Variants in PLEKHA2 observed in about 807,000 individuals in gnomAD.
The protein encoded by PLEKHA2 is pleckstrin homology domain-containing family A member 2.
PLEKHA2 carries 28 observed loss-of-function variants against 53.2 expected under a neutral mutation model. That is an observed-to-expected ratio of 0.53 (90% CI 0.39 to 0.72). The LOEUF (loss-of-function observed/expected upper bound fraction) is 0.72, where lower values mean the gene tolerates loss of function less well. PLEKHA2 is among the 30% of genes least tolerant of loss of function. PLEKHA2 has a pLI of 0.00. For missense variants in PLEKHA2, 426 were observed against 537.9 expected (o/e 0.79, Z 2.06); for synonymous variants, 193 against 196.4 (o/e 0.98, Z 0.14).
At chr8:38,928,236 C>CTTTTTTTTTTTTTTTT (rs11414317) in intron 2 of PLEKHA2, among the ~76,000 whole-genome samples, 1 of 110,130 alleles carries the variant, frequency 9.1e-6, no homozygotes. Flanking sequence ...CTGACCTGGT[C>CTTTTTTTTTTTTTTTT]TTTTTTTTTT....
At chr8:38,926,418 C>A (rs191818275) in intron 2 of PLEKHA2, among the ~76,000 whole-genome samples, 1 of 148,432 alleles carries the variant, frequency 6.7e-6, no homozygotes, top group East Asian at 2.0e-4. Context: ...GTTCTTACTC[C>A]GTCTCCGAGA....
At chr8:38,943,686 C>A in intron 3 of PLEKHA2, 103 bp from the exon 4 acceptor site, 2 of 815,504 alleles carry the variant, frequency 2.5e-6, no homozygotes, top group Non-Finnish European at 3.7e-6. Context: ...AAAATGTAGA[C>A]ATATGTTTAA....
intron 10 of PLEKHA2, among the ~76,000 whole-genome samples, chr8:38,963,970 T>A (rs987596468): frequency 6.6e-6 from 1 of 152,204 alleles, no homozygotes; most frequent in Non-Finnish European, 1.5e-5. Context: ...TTATTTTACC[T>A]ATCATATTAG....
chr8:38,950,570 C>T (rs750847179), intron 5 of PLEKHA2: 10 of 309,190 alleles, frequency 3.2e-5, no homozygotes, highest in African/African-American at 6.4e-5. Flanking sequence ...ACGTGTGTTT[C>T]GCTTGACACT....
At chr8:38,964,547 A>T (rs569608722) in intron 10 of PLEKHA2, among the ~76,000 whole-genome samples, 10 of 152,124 alleles carry the variant, frequency 6.6e-5, no homozygotes, top group Non-Finnish European at 1.0e-4. Context: ...TTCCAAGTTC[A>T]TGGAAAAATT....
At chr8:38,921,581 C>T (rs1354302915) in intron 2 of PLEKHA2, among the ~76,000 whole-genome samples, 1 of 152,232 alleles carries the variant, frequency 6.6e-6, no homozygotes, top group Non-Finnish European at 1.5e-5. Flanking sequence ...CGCTGTGCCT[C>T]GGGCTGCCTT....
chr8:38,919,725 T>G (rs887775336), intron 2 of PLEKHA2, among the ~76,000 whole-genome samples: 1 of 152,200 alleles, frequency 6.6e-6, no homozygotes, highest in Non-Finnish European at 1.5e-5. Flanking sequence ...ACTCAGAAAG[T>G]CAGCTGCTGC....
intron 1 of PLEKHA2, among the ~76,000 whole-genome samples, chr8:38,911,346 C>T (rs570401453): frequency 6.6e-6 from 1 of 152,114 alleles, no homozygotes; most frequent in South Asian, 2.1e-4. Flanking sequence ...AAGCAATTCT[C>T]CTGTCTTAGT....
intron 9 of PLEKHA2, among the ~76,000 whole-genome samples, chr8:38,956,382 C>G (rs564176750): frequency 6.6e-6 from 1 of 152,290 alleles, no homozygotes; most frequent in South Asian, 2.1e-4. Flanking sequence ...TCCTGGGCCC[C>G]GCACAGTGAG....
chr8:38,908,914 G>A (rs1833916812), intron 1 of PLEKHA2, among the ~76,000 whole-genome samples: 1 of 152,202 alleles, frequency 6.6e-6, no homozygotes, highest in South Asian at 2.1e-4. Flanking sequence ...GGAGTCCAAG[G>A]TGGGTGGATC....
At chr8:38,949,422 A>G (rs1834783955) in intron 5 of PLEKHA2, among the ~76,000 whole-genome samples, 1 of 152,226 alleles carries the variant, frequency 6.6e-6, no homozygotes, top group Admixed American at 6.5e-5. Context: ...TCTATCTAAA[A>G]GGGAACTGCT....
chr8:38,931,585 G>A (rs926262664), intron 2 of PLEKHA2, among the ~76,000 whole-genome samples: 4 of 152,188 alleles, frequency 2.6e-5, no homozygotes, highest in Non-Finnish European at 5.9e-5. Context: ...GAGATGTCAC[G>A]AGAAAACGTT....
intron 2 of PLEKHA2, among the ~76,000 whole-genome samples, chr8:38,921,332 T>G (rs1171953410): frequency 1.3e-5 from 2 of 152,236 alleles, no homozygotes; most frequent in Non-Finnish European, 2.9e-5. Context: ...GCTTCCCCAC[T>G]AGGGCTGTGC....
At chr8:38,947,991 C>T (rs1834747064) in intron 5 of PLEKHA2, among the ~76,000 whole-genome samples, 1 of 149,468 alleles carries the variant, frequency 6.7e-6, no homozygotes, top group East Asian at 2.0e-4. Context: ...GAGGCTGAGG[C>T]AGGAGAATCA....
chr8:38,901,799 A>C lies in PLEKHA2; in HGVS notation c.-24+354A>C, dbSNP rs1416658908. 3 of 152,276 alleles carry C rather than the reference A, an allele frequency of 2.0e-5. No homozygotes were observed. The East Asian group carries it at 5.8e-4, about 29-fold the overall frequency. 9.4% of individuals were successfully genotyped at this position (152,276 alleles called of 1,614,324 possible). The stretch of plus-strand genomic sequence containing the variant: ...AGCTGCATTTTCTCACGTTTGCAGC[A>C]GCGAAACTTCTCTGCGGGTTCTGGC... On this transcript the variant is annotated intron_variant, in intron 1 of 11. Coordinates refer to ENST00000617275, the MANE Select transcript of PLEKHA2 (RefSeq NM_021623.2).
chr8:38,917,372 G>A (rs945674950), intron 1 of PLEKHA2, among the ~76,000 whole-genome samples: 2 of 152,148 alleles, frequency 1.3e-5, no homozygotes, highest in Admixed American at 6.5e-5. Flanking sequence ...TGTTTGAATT[G>A]GAGCTTACAT....
chr8:38,905,646 G>A (rs1833859754), intron 1 of PLEKHA2, among the ~76,000 whole-genome samples: 1 of 150,726 alleles, frequency 6.6e-6, no homozygotes, highest in Non-Finnish European at 1.5e-5. Context: ...CTTAGCAAAA[G>A]GCCAGTAGGT....
chr8:38,937,250 C>CCTTG (rs1017664830), intron 3 of PLEKHA2, among the ~76,000 whole-genome samples: 14 of 152,226 alleles, frequency 9.2e-5, no homozygotes, highest in Non-Finnish European at 1.3e-4. Context: ...TCAAGTCCAG[C>CCTTG]CTTGCTAGCA....
At chr8:38,940,914 T>C (rs1834600227) in intron 3 of PLEKHA2, among the ~76,000 whole-genome samples, 1 of 151,702 alleles carries the variant, frequency 6.6e-6, no homozygotes, top group African/African-American at 2.4e-5. Flanking sequence ...ATATAAAATA[T>C]TTGAAAGGAT....
Sources: allele counts gnomAD v4.1 joint callset (sites outside exome capture counted in the v4.1 genomes callset), GRCh38; gene constraint gnomAD v4.1.1; transcripts MANE v1.5; gene names NCBI Gene and HGNC (gene_info 2026-07-23, HGNC 2026-07-21).